SH3GL3: variants seen among roughly 807,000 people sequenced by gnomAD.
The protein encoded by SH3GL3 is endophilin-A3.
Under a neutral mutation model 47.7 loss-of-function variants are expected in SH3GL3, and 33 were observed. That is an observed-to-expected ratio of 0.69 (90% CI 0.52 to 0.92). The LOEUF (loss-of-function observed/expected upper bound fraction) is 0.92. Ranked by LOEUF, SH3GL3 falls within the 40% of genes least tolerant of loss-of-function variation. The pLI, the probability that SH3GL3 is intolerant of heterozygous loss-of-function variation, is 0.00. For synonymous variants in SH3GL3, 155 were observed against 148.8 expected, an observed-to-expected ratio of 1.04 and a Z score of -0.30; for missense variants, 363 against 417.8, an observed-to-expected ratio of 0.87 and a Z score of 1.14.
intron 8 of SH3GL3, among the ~76,000 whole-genome samples, chr15:83,613,488 A>G (rs142620645): frequency 1.3e-5 from 2 of 152,322 alleles, no homozygotes; most frequent in Non-Finnish European, 1.5e-5. Context: ...GCAAGAACCC[A>G]GGTTTACACA....
At chr15:83,593,924 TCCTCCCACGTTAG>T (rs2060172809) in intron 8 of SH3GL3, among the ~76,000 whole-genome samples, 1 of 152,208 alleles carries the variant, frequency 6.6e-6, no homozygotes, top group East Asian at 1.9e-4. Context: ...GCTCAAAAGA[TCCTCCCACGTTAG>T]CCTCCCACAT....
intron 1 of SH3GL3, among the ~76,000 whole-genome samples, chr15:83,482,175 T>G (rs759020766): frequency 6.6e-5 from 10 of 152,360 alleles, no homozygotes; most frequent in Non-Finnish European, 1.5e-4. Context: ...TGCCTTTTGA[T>G]ATTTTCCATT....
At chr15:83,484,137 CCTT>C (rs1408617461) in intron 1 of SH3GL3, among the ~76,000 whole-genome samples, 23 of 152,208 alleles carry the variant, frequency 1.5e-4, no homozygotes, top group Non-Finnish European at 3.4e-4. Context: ...CCATTTTCTG[CCTT>C]CTTCTTATAC....
At chr15:83,460,246 G>A (rs371358468) in intron 1 of SH3GL3, among the ~76,000 whole-genome samples, 8 of 151,104 alleles carry the variant, frequency 5.3e-5, no homozygotes, top group Non-Finnish European at 8.8e-5. Context: ...GATTAAAGAC[G>A]GATGCTGCCA....
At chr15:83,482,296 T>A (rs947715642) in intron 1 of SH3GL3, among the ~76,000 whole-genome samples, 3 of 152,220 alleles carry the variant, frequency 2.0e-5, no homozygotes, top group Non-Finnish European at 2.9e-5. Flanking sequence ...GCAAGCTTTT[T>A]TGTGTATTGT....
At chr15:83,458,887 A>G (rs546666097) in intron 1 of SH3GL3, among the ~76,000 whole-genome samples, 2 of 152,350 alleles carry the variant, frequency 1.3e-5, no homozygotes, top group Middle Eastern at 6.8e-3. Context: ...TGTATATATG[A>G]AAGGGAGTTT....
At chr15:83,588,594 A>G in intron 7 of SH3GL3, 68 bp from the exon 8 acceptor site, 2 of 970,060 alleles carry the variant, frequency 2.1e-6, no homozygotes, top group Non-Finnish European at 3.3e-6. Context: ...TCAACAAGGC[A>G]GAGAGGATGT....
At chr15:83,580,649 T>A (rs964148674) in intron 6 of SH3GL3, among the ~76,000 whole-genome samples, 1 of 152,260 alleles carries the variant, frequency 6.6e-6, no homozygotes, top group Non-Finnish European at 1.5e-5. Context: ...TGGTCAACTG[T>A]GCTGAAGGAC....
Position 83,447,584 on chromosome 15 carries a change from G to A in SH3GL3, c.45+6G>A. On this transcript the variant is annotated splice_donor_region_variant and intron_variant, in intron 1 of 8. Coordinates refer to ENST00000427482, the MANE Select transcript of SH3GL3 (RefSeq NM_003027.5). This position sits in a 1 kb window ranked among gnomAD's most constrained non-coding sequence, Gnocchi z 5.1. ...AGTTCCACAAAGCCAGCCAGGTAGG[G>A]AGGCGCAGAGGAGGGAAGGAGGGAG... is the stretch of plus-strand genomic sequence containing the variant. 1 of 1,501,502 alleles carries A rather than the reference G, an allele frequency of 6.7e-7. No individual in the cohort carries two copies. The allele number at this position is 1,501,502 out of a possible 1,614,324, so 93.0% of individuals were successfully genotyped here. A position where few individuals can be genotyped will look rare whatever the true frequency, so the allele number is the denominator to read the frequency against.
chr15:83,508,101 C>A (rs1364238993), intron 1 of SH3GL3, among the ~76,000 whole-genome samples: 1 of 151,800 alleles, frequency 6.6e-6, no homozygotes, highest in Middle Eastern at 3.2e-3. Flanking sequence ...ACCACCACGC[C>A]CAGCTAATTT....
chr15:83,576,855 T>A (rs931705477), intron 6 of SH3GL3, 114 bp downstream of exon 6: 2 of 597,240 alleles, frequency 3.3e-6, no homozygotes, highest in Admixed American at 3.2e-5. Context: ...TCTTTTGGCT[T>A]CCCTGGGCCA....
Position 83,523,126 on chromosome 15 carries a change from G to A in SH3GL3, c.46-36127G>A, listed in dbSNP as rs1162797755. 3.3e-5 allele frequency among the ~76,000 whole-genome samples: 5 copies of A among 152,342 alleles called. No homozygotes were observed. The East Asian group carries it at 7.7e-4, about 23-fold the overall frequency. ...GTTGTAAAGTGTTGAGCAAAGTCAT[G>A]AAAGTTTTCACAAGAAGGAAAAGAA... On this transcript the variant is annotated intron_variant, in intron 1 of 8. Coordinates refer to ENST00000427482, the MANE Select transcript of SH3GL3 (RefSeq NM_003027.5).
At chr15:83,594,144 AG>A (rs1230692889) in intron 8 of SH3GL3, among the ~76,000 whole-genome samples, 5 of 152,228 alleles carry the variant, frequency 3.3e-5, no homozygotes, top group Non-Finnish European at 7.3e-5. Context: ...AATCAGATTG[AG>A]AGAGTTCCCT....
chr15:83,528,285 T>G (rs184825999), intron 1 of SH3GL3, among the ~76,000 whole-genome samples: 1 of 152,344 alleles, frequency 6.6e-6, no homozygotes, highest in Non-Finnish European at 1.5e-5. Flanking sequence ...CTTTTTAGGT[T>G]ATATCCATAT....
chr15:83,475,216 G>A (rs972096400), intron 1 of SH3GL3, among the ~76,000 whole-genome samples: 10 of 151,786 alleles, frequency 6.6e-5, no homozygotes, highest in Non-Finnish European at 1.2e-4. Flanking sequence ...AGTGGCTCAC[G>A]CCTGTAATCC....
intron 1 of SH3GL3, among the ~76,000 whole-genome samples, chr15:83,450,804 A>ATTTTTTTTTTTTTTTTTTTTTTTTTTTT: frequency 1.7e-5 from 1 of 58,790 alleles, no homozygotes; most frequent in Non-Finnish European, 2.9e-5. Context: ...TTTTTTTTTA[A>ATTTTTTTTTTTTTTTTTTTTTTTTTTTT]TTTTTTTTTT....
chr15:83,459,563 T>C (rs1045328068), intron 1 of SH3GL3, among the ~76,000 whole-genome samples: 1 of 152,220 alleles, frequency 6.6e-6, no homozygotes, highest in Non-Finnish European at 1.5e-5. Context: ...TTTCTCAGAA[T>C]ATTGATCTAC....
At chr15:83,591,888 C>T (rs777783434) in intron 8 of SH3GL3, among the ~76,000 whole-genome samples, 3 of 151,856 alleles carry the variant, frequency 2.0e-5, no homozygotes, top group East Asian at 1.9e-4. Context: ...GGTTTCACTG[C>T]GGTGTTGATC....
At chr15:83,563,991 T>C (rs1310301292) in intron 2 of SH3GL3, among the ~76,000 whole-genome samples, 3 of 152,218 alleles carry the variant, frequency 2.0e-5, no homozygotes, top group Non-Finnish European at 2.9e-5. Flanking sequence ...ATGCCACTTT[T>C]GTCAAACTTC....
Sources: gnomAD v4.1 joint callset for allele counts (sites outside exome capture counted in the v4.1 genomes callset) on GRCh38, gnomAD v4.1.1 for gene constraint, Gnocchi (gnomAD v3.1) non-coding constraint, MANE v1.5 for transcripts, NCBI Gene and HGNC (gene_info 2026-07-23, HGNC 2026-07-21) for gene names.